The following STPG2 variants were observed in gnomAD, a reference collection of about 807,000 sequenced individuals.
STPG2 encodes the protein sperm tail PG-rich repeat containing 2.
In STPG2, 56 loss-of-function variants were observed where a neutral mutation model predicts 54.2. The observed-to-expected ratio is 1.03, with a 90% CI of 0.83 to 1.29. STPG2 has a LOEUF of 1.29. Among genes scored for constraint, STPG2 ranks in the 50% most tolerant of loss-of-function variants. The pLI is 0.00. For synonymous variants in STPG2, 200 were observed against 181.8 expected, an observed-to-expected ratio of 1.10 and a Z score of -0.81; for missense variants, 596 against 544.9, an observed-to-expected ratio of 1.09 and a Z score of -0.93.
chr4:97,578,965 C>G (rs1732794949), intron 10 of STPG2, among the ~76,000 whole-genome samples: 1 of 152,090 alleles, frequency 6.6e-6, no homozygotes, highest in African/African-American at 2.4e-5. Context: ...TTTTCCTACT[C>G]ATTTAGCATC....
chr4:97,490,010 A>G (rs1301741890), intron 4 of STPG2: 1 of 151,556 alleles, frequency 6.6e-6, no homozygotes, highest in South Asian at 2.1e-4. Flanking sequence ...TCAAGACCTC[A>G]TAACAACACC....
rs763121216 is a variant in STPG2 at position 98,007,354 on chromosome 4, C to A, written c.613-26036G>T. On this transcript the variant is annotated intron_variant, in intron 5 of 10. Transcript: ENST00000295268. Reference sequence around the variant, plus strand: ...TGAGAAAGCCATCACACTAAGTCTACCTATAATCAAAAAATTCATAGATTC... The same window carrying A: ...TGAGAAAGCCATCACACTAAGTCTAACTATAATCAAAAAATTCATAGATTC... Among the ~76,000 whole-genome samples the A allele has an allele frequency of 8.5e-5, 13 of 152,086 alleles. No individual in the cohort carries two copies. In the South Asian group the frequency reaches 1.0e-3, roughly 12 times the overall value.
At chr4:97,584,861 A>G (rs1373862547) in intron 10 of STPG2, among the ~76,000 whole-genome samples, 1 of 151,780 alleles carries the variant, frequency 6.6e-6, no homozygotes, top group Non-Finnish European at 1.5e-5. Flanking sequence ...CAAGATTAAA[A>G]TAGTAATAAC....
intron 9 of STPG2, among the ~76,000 whole-genome samples, chr4:97,764,141 C>G (rs1175605328): frequency 2.0e-5 from 3 of 149,178 alleles, no homozygotes; most frequent in Non-Finnish European, 4.5e-5. Context: ...CACACACACA[C>G]AGAGGCACAG....
intron 5 of STPG2, among the ~76,000 whole-genome samples, chr4:97,987,050 G>C (rs1229715341): frequency 6.6e-6 from 1 of 152,116 alleles, no homozygotes; most frequent in Non-Finnish European, 1.5e-5. Flanking sequence ...AGCACCTAAG[G>C]GAAGAGTTGG....
At chr4:97,664,708 C>T (rs1332595812) in intron 10 of STPG2, among the ~76,000 whole-genome samples, 2 of 151,924 alleles carry the variant, frequency 1.3e-5, no homozygotes, top group Admixed American at 1.3e-4. Context: ...TCAGTATCTC[C>T]TATGATAAAG....
At chr4:97,619,735 T>A (rs1216395237) in intron 10 of STPG2, among the ~76,000 whole-genome samples, 3 of 152,060 alleles carry the variant, frequency 2.0e-5, no homozygotes, top group Non-Finnish European at 2.9e-5. Flanking sequence ...CCCTTGAAGT[T>A]CTTCTCTCTT....
At chr4:97,542,902 C>T (rs1032304927) in intron 4 of STPG2, among the ~76,000 whole-genome samples, 3 of 152,042 alleles carry the variant, frequency 2.0e-5, no homozygotes, top group Admixed American at 6.6e-5. Context: ...CATGTTCTCA[C>T]TCATAGGCGG....
chr4:97,538,691 A>C (rs1374149243), intron 4 of STPG2, among the ~76,000 whole-genome samples: 1 of 152,202 alleles, frequency 6.6e-6, no homozygotes, highest in Non-Finnish European at 1.5e-5. Context: ...AATACAGAGA[A>C]TGCCACAAAG....
At chr4:98,002,288 T>C (rs1735435639) in intron 5 of STPG2, among the ~76,000 whole-genome samples, 1 of 152,062 alleles carries the variant, frequency 6.6e-6, no homozygotes, top group South Asian at 2.1e-4. Flanking sequence ...ATAAGAATAC[T>C]GAGTGACATC....
intron 4 of STPG2, among the ~76,000 whole-genome samples, chr4:97,445,771 T>C (rs147962992): frequency 0.015 from 2,337 of 152,332 alleles, 31 homozygotes; most frequent in Middle Eastern, 0.051. Flanking sequence ...ATATATCAGA[T>C]ATTAAACTTT....
intron 4 of STPG2, among the ~76,000 whole-genome samples, chr4:97,471,984 T>C (rs1729947678): frequency 6.6e-6 from 1 of 152,186 alleles, no homozygotes; most frequent in African/African-American, 2.4e-5. Flanking sequence ...CAAAATCATA[T>C]GAAGACTGAT....
intron 9 of STPG2, among the ~76,000 whole-genome samples, chr4:97,778,794 C>T (rs939454686): frequency 6.6e-6 from 1 of 152,188 alleles, no homozygotes; most frequent in Non-Finnish European, 1.5e-5. Flanking sequence ...GTTCTGCAGC[C>T]TCTGCTACTG....
chr4:97,872,492 AC>A, intron 8 of STPG2, among the ~76,000 whole-genome samples: 1 of 151,334 alleles, frequency 6.6e-6, no homozygotes, highest in African/African-American at 2.4e-5. Context: ...ATTAGAAGAC[AC>A]TCTAAGTAGA....
intron 4 of STPG2, among the ~76,000 whole-genome samples, chr4:97,530,801 C>G (rs993785806): frequency 6.6e-6 from 1 of 151,954 alleles, no homozygotes; most frequent in African/African-American, 2.4e-5. Context: ...TTCCCAGCAG[C>G]GGTGAGCTGT....
At chr4:97,901,648 T>C (rs937198686) in intron 8 of STPG2, among the ~76,000 whole-genome samples, 2 of 151,814 alleles carry the variant, frequency 1.3e-5, no homozygotes, top group Admixed American at 6.6e-5. Flanking sequence ...CTGAAAACTA[T>C]AAAATATTGA....
intron 9 of STPG2, among the ~76,000 whole-genome samples, chr4:97,797,014 T>C (rs1446801739): frequency 6.6e-6 from 1 of 152,226 alleles, no homozygotes; most frequent in Non-Finnish European, 1.5e-5. Context: ...ATAAGAATGC[T>C]TGTGATTTTT....
At chr4:97,815,561 C>G (rs1251476619) in intron 9 of STPG2, among the ~76,000 whole-genome samples, 2 of 152,082 alleles carry the variant, frequency 1.3e-5, no homozygotes, top group African/African-American at 4.8e-5. Context: ...TGTCATGTAA[C>G]ATAAGATGTA....
intron 10 of STPG2, among the ~76,000 whole-genome samples, chr4:97,690,245 C>T (rs1428179526): frequency 6.6e-6 from 1 of 151,986 alleles, no homozygotes; most frequent in African/African-American, 2.4e-5. Flanking sequence ...CTCAAAATGA[C>T]TTATATATTT....
Sources: allele counts gnomAD v4.1 joint callset (sites outside exome capture counted in the v4.1 genomes callset), GRCh38; gene constraint gnomAD v4.1.1; transcripts MANE v1.5; gene names NCBI Gene and HGNC (gene_info 2026-07-23, HGNC 2026-07-21).